The following PCDH8 variants were observed in gnomAD, a reference collection of about 807,000 sequenced individuals.
The protein encoded by PCDH8 is protocadherin-8.
PCDH8 carries 36 observed loss-of-function variants against 58.2 expected under a neutral mutation model. The observed-to-expected ratio is 0.62, with a 90% CI of 0.47 to 0.82. The LOEUF (loss-of-function observed/expected upper bound fraction) is 0.82. Among genes scored for constraint, PCDH8 ranks in the 40% least tolerant of loss-of-function variants. PCDH8 has a pLI of 0.00. For synonymous variants in PCDH8, 775 were observed against 728.9 expected (o/e 1.06, Z -1.02); for missense variants, 1,493 against 1,567.8 (o/e 0.95, Z 0.81).
In PCDH8 at chr13:52,843,294, A is replaced by T. The variant is rs144059835; in HGVS notation, c.*1266T>A. On this transcript the variant is annotated 3_prime_UTR_variant, in exon 3 of 3. Coordinates refer to ENST00000377942, the MANE Select transcript of PCDH8 (RefSeq NM_002590.4). The stretch of plus-strand genomic sequence containing the variant: ...GCTGAAATTTCCCTACCTCACATGC[A>T]CCTATGCTAGCATTGACAATTATCA... The T allele has an allele frequency of 3.5e-4, 53 of 152,308 alleles. No homozygotes were observed. The highest frequency in any genetic ancestry group is 6.8e-4 in the Non-Finnish European group (46 of 68,028). The allele number at this position is 152,308 out of a possible 1,614,324, so 9.4% of individuals were successfully genotyped here. A position where few individuals can be genotyped will look rare whatever the true frequency, so the allele number is the denominator to read the frequency against.
In PCDH8 at chr13:52,845,424, C is replaced by A; in HGVS notation, c.2839+1G>T. 6.2e-7 allele frequency: 1 copy of A among 1,613,998 alleles called. No individual in the cohort carries two copies. Among genetic ancestry groups the A allele is most frequent in the Non-Finnish European group, 8.5e-7 (1 of 1,179,858 alleles). On this transcript the variant is annotated splice_donor_variant, in intron 2 of 2. Transcript: ENST00000377942. LOFTEE classifies it high-confidence loss of function. ...ATTTGGCGGGAAAGAAGAGTCCTCA[C>A]CACTCTGCATGTGGTTGATGAGATC...
intron 1 of PCDH8, 54 bp from the exon 2 acceptor site, chr13:52,845,686 A>G: frequency 6.3e-7 from 1 of 1,591,094 alleles, no homozygotes; most frequent in Non-Finnish European, 8.5e-7. Context: ...TAAGAAACAA[A>G]CAAAAAACAA....
At position 52,846,709 on chromosome 13, in the gene PCDH8, G is replaced by A. The variant is rs751017569; in HGVS notation, c.1728C>T (p.Asp576=). The A allele has an allele frequency of 1.3e-6, 2 of 1,597,476 alleles. No individual in the cohort carries two copies. The highest frequency in any genetic ancestry group is 1.3e-5 in the African/African-American group (1 of 74,810). The change falls in exon 1 of 3, where the codon GAC becomes GAT. Residue 576 remains aspartate (D), a synonymous_variant. Transcript: ENST00000377942. ...CGCCGTCGCTAGCTTGGATGCGAAC[G>A]TCGAGTTGGCGCAGCGTCTCATAGT... is the stretch of plus-strand genomic sequence containing the variant. ...SFDYETLRQL[D]VRIQASDGGS...
Position 52,847,462 on chromosome 13 carries a change from C to T in PCDH8, c.975G>A (p.Arg325=), listed in dbSNP as rs755375249. The change falls in exon 1 of 3, where the codon CGG becomes CGA. Residue 325 remains arginine, a synonymous_variant. Coordinates refer to ENST00000377942, the MANE Select transcript of PCDH8 (RefSeq NM_002590.4). ...ERQDTYELDV[R]AQDRGPGPRA... is the part of the protein sequence containing the mutation. ...GGGGCCCGGGTCCGCGGTCCTGCGC[C>T]CGCACGTCCAGCTCGTAGGTGTCCT... 1 of 1,591,204 alleles carries T rather than the reference C, an allele frequency of 6.3e-7. No homozygotes were observed. Among genetic ancestry groups the T allele is most frequent in the Non-Finnish European group, 8.5e-7 (1 of 1,175,080 alleles).
At position 52,847,707 on chromosome 13, in the gene PCDH8, C is replaced by A. The variant is rs779860190; in HGVS notation, c.730G>T (p.Ala244Ser). Residue 244 changes from alanine (A) to serine (S), a missense_variant, in exon 1 of 3, where the codon GCC (alanine) becomes TCC (serine). Coordinates refer to ENST00000377942, the MANE Select transcript of PCDH8 (RefSeq NM_002590.4). Reference sequence around the variant, plus strand: ...TCGGCCACGGCGCCCTGCGGGAAGGCCGGGCTGTGGTCATTCGCATCCAGG... The same window carrying A: ...TCGGCCACGGCGCCCTGCGGGAAGGACGGGCTGTGGTCATTCGCATCCAGG... Reference protein sequence around the residue: ...RVLDANDHSPAFPQGAVAEVE... With the variant: ...RVLDANDHSPSFPQGAVAEVE... The A allele has an allele frequency of 2.6e-6, 4 of 1,541,828 alleles. No homozygotes were observed. The highest frequency in any genetic ancestry group is 3.5e-6 in the Non-Finnish European group (4 of 1,152,870).
chr13:52,848,617 G>A lies in PCDH8; in HGVS notation c.-181C>T, dbSNP rs1304387772. On this transcript the variant is annotated 5_prime_UTR_variant, in exon 1 of 3. Transcript: ENST00000377942. ...ACGCGCGGACCCGCCCTCACTCTGC[G>A]CCTCTCCGTCTCTTACAGAAGCTGC... The A allele has an allele frequency of 4.9e-6, 6 of 1,225,070 alleles. No individual in the cohort carries two copies. The highest frequency in any genetic ancestry group is 4.6e-5 in the African/African-American group (3 of 65,260). The allele number at this position is 1,225,070 out of a possible 1,614,324, so 75.9% of individuals were successfully genotyped here. A position where few individuals can be genotyped will look rare whatever the true frequency, so the allele number is the denominator to read the frequency against.
In PCDH8 at chr13:52,846,061, G is replaced by A. The variant is rs946797218; in HGVS notation, c.2376C>T (p.Pro792=). ...CCGAGGCTCCGCCGCCCGCCGCCCC[G>A]GGCCGCTCTTCCCGGAGGGCCCCCC... is the stretch of plus-strand genomic sequence containing the variant. ...RKGGALREER[P]GAAGGGASAP... is the part of the protein sequence containing the mutation. The change falls in exon 1 of 3, where the codon CCC becomes CCT. Residue 792 remains proline (P), a synonymous_variant. Transcript: ENST00000377942. 2.0e-6 allele frequency: 3 copies of A among 1,531,392 alleles called. No homozygotes were observed. Among genetic ancestry groups the A allele is most frequent in the East Asian group, 5.0e-5 (2 of 39,826 alleles). 94.9% of individuals were successfully genotyped at this position (1,531,392 alleles called of 1,614,324 possible). A position where few individuals can be genotyped will look rare whatever the true frequency, so the allele number is the denominator to read the frequency against.
Position 52,846,386 on chromosome 13 carries a change from C to A in PCDH8, c.2051G>T (p.Arg684Leu), listed in dbSNP as rs1387478819. Reference protein sequence around the residue: ...TGDLSQEPPGRVFRALLVISD... With the variant: ...TGDLSQEPPGLVFRALLVISD... ...TATGACCAGGAGCGCCCTGAACACG[C>A]GACCGGGTGGCTCCTGCGAGAGGTC... The change falls in exon 1 of 3, where the codon CGC becomes CTC. Residue 684 changes from arginine to leucine, a missense_variant. Around this residue, in one of 3 missense-constraint regions of PCDH8, gnomAD observed 1,307 missense variants for 1,362.7 expected, o/e 0.96. Coordinates refer to ENST00000377942, the MANE Select transcript of PCDH8 (RefSeq NM_002590.4). The A allele has an allele frequency of 3.1e-6, 5 of 1,591,410 alleles. No homozygotes were observed. The highest frequency in any genetic ancestry group is 4.3e-6 in the Non-Finnish European group (5 of 1,171,942).
Position 52,848,367 on chromosome 13 carries a change from G to A in PCDH8, c.70C>T (p.Leu24Phe). Residue 24 changes from leucine to phenylalanine, a missense_variant, in exon 1 of 3, where the codon CTC becomes TTC. This residue lies in a region of PCDH8 where 1,307 missense variants were observed against 1,362.7 expected (regional missense o/e 0.96). Coordinates refer to ENST00000377942, the MANE Select transcript of PCDH8 (RefSeq NM_002590.4). ...PLQLFSLCWV[L>F]SVAQSKTVRY... is the part of the protein sequence containing the mutation. Reference sequence around the variant, plus strand: ...ACTGTTTTGCTCTGGGCCACTGAGAGCACCCAGCAGAGGCTGAAGAGCTGC... The same window carrying A: ...ACTGTTTTGCTCTGGGCCACTGAGAACACCCAGCAGAGGCTGAAGAGCTGC... The A allele has an allele frequency of 1.2e-6, 2 of 1,612,510 alleles. No individual in the cohort carries two copies. The highest frequency in any genetic ancestry group is 1.1e-5 in the South Asian group (1 of 91,086).
Position 52,845,896 on chromosome 13 carries a change from G to A in PCDH8, c.2541C>T (p.Ala847=). ...ADAPPPAVAA[A]EVPGSEGGSA... is the part of the protein sequence containing the mutation. ...TGCCGCCCTCTGAGCCCGGCACTTC[G>A]GCCGCGGCGACCGCAGGCGGAGGCG... The change falls in exon 1 of 3, where the codon GCC becomes GCT. Residue 847 remains alanine, a synonymous_variant. Coordinates refer to ENST00000377942, the MANE Select transcript of PCDH8 (RefSeq NM_002590.4). The A allele has an allele frequency of 6.7e-7, 1 of 1,481,508 alleles. No individual in the cohort carries two copies. Among genetic ancestry groups the A allele is most frequent in the African/African-American group, 1.5e-5 (1 of 67,936 alleles). 91.8% of individuals were successfully genotyped at this position (1,481,508 alleles called of 1,614,324 possible). A position where few individuals can be genotyped will look rare whatever the true frequency, so the allele number is the denominator to read the frequency against.
rs759814135 is a variant in PCDH8, at chr13:52,847,998, C to T, written c.439G>A (p.Gly147Ser). Residue 147 changes from glycine to serine, a missense_variant, in exon 1 of 3, where the codon GGT becomes AGT. Coordinates refer to ENST00000377942, the MANE Select transcript of PCDH8 (RefSeq NM_002590.4). ...GGGATGCGCGTGCCCACTGCCGCAC[C>T]CTCGGACACCTCTACCGGGATCTGG... ...RAQIPVEVSE[G>S]AAVGTRIPLE... The T allele has an allele frequency of 6.2e-7, 1 of 1,610,550 alleles. No homozygotes were observed. Among genetic ancestry groups the T allele is most frequent in the Non-Finnish European group, 8.5e-7 (1 of 1,178,132 alleles).
At position 52,843,204 on chromosome 13, in the gene PCDH8, CTT is replaced by C. The variant is rs767457765; in HGVS notation, c.*1354_*1355del. 5.9e-5 allele frequency: 9 copies of C among 152,292 alleles called. No individual in the cohort carries two copies. The highest frequency in any genetic ancestry group is 3.9e-4 in the East Asian group (2 of 5,184). The allele number at this position is 152,292 out of a possible 1,614,324, so 9.4% of individuals were successfully genotyped here. A position where few individuals can be genotyped will look rare whatever the true frequency, so the allele number is the denominator to read the frequency against. On this transcript the variant is annotated 3_prime_UTR_variant, in exon 3 of 3. Transcript: ENST00000377942. ...GAGTATAAGACATAGGCATAGTACT[CTT>C]GAGTGTCTTTTTTTAAGACTTTCCA... is the stretch of plus-strand genomic sequence containing the variant.
In PCDH8 at chr13:52,847,020, C is replaced by A; in HGVS notation, c.1417G>T (p.Gly473Cys). Reference protein sequence around the residue: ...YNLTLVAEDRGAPPLRTVRPY... With the variant: ...YNLTLVAEDRCAPPLRTVRPY... ...CGCACTGTGCGCAGCGGGGGCGCGC[C>A]GCGATCCTCGGCCACCAGCGTCAAG... The change falls in exon 1 of 3, where the codon GGC becomes TGC. Residue 473 changes from glycine (G) to cysteine (C), a missense_variant. Physicochemically the swap from Gly to Cys is radical, Grantham distance 159. Around this residue, in one of 3 missense-constraint regions of PCDH8, gnomAD observed 1,307 missense variants for 1,362.7 expected, o/e 0.96. Transcript: ENST00000377942. 6.4e-7 allele frequency: 1 copy of A among 1,563,690 alleles called. No homozygotes were observed. Among genetic ancestry groups the A allele is most frequent in the Non-Finnish European group, 8.6e-7 (1 of 1,157,880 alleles).
At chr13:52,845,145 G>GA (rs967746384) in intron 2 of PCDH8, among the ~76,000 whole-genome samples, 36 of 150,008 alleles carry the variant, frequency 2.4e-4, no homozygotes, top group African/African-American at 6.4e-4. Context: ...AGCTGGAAGT[G>GA]AAAAAAAAAA....
Position 52,848,025 on chromosome 13 carries a change from C to T in PCDH8, c.412G>A (p.Ala138Thr). 6.2e-7 allele frequency: 1 copy of T among 1,611,186 alleles called. No homozygotes were observed. Among genetic ancestry groups the T allele is most frequent in the South Asian group, 1.1e-5 (1 of 91,032 alleles). ...TCGGACACCTCTACCGGGATCTGGGCCCTGGGGAAGCGCGGCGCGTGGTCG... is the reference window on the plus strand; with the variant it reads ...TCGGACACCTCTACCGGGATCTGGGTCCTGGGGAAGCGCGGCGCGTGGTCG... ...VNDHAPRFPR[A>T]QIPVEVSEGA... Residue 138 changes from alanine (A) to threonine (T), a missense_variant, in exon 1 of 3, where the codon GCC becomes ACC. By Grantham distance (58) the Ala-to-Thr change is moderately conservative. Transcript: ENST00000377942.
Position 52,845,929 on chromosome 13 carries a change from C to T in PCDH8, c.2508G>A (p.Ala836=). The T allele has an allele frequency of 6.7e-7, 1 of 1,483,416 alleles. No homozygotes were observed. Among genetic ancestry groups the T allele is most frequent in the Non-Finnish European group, 8.9e-7 (1 of 1,128,770 alleles). The allele number at this position is 1,483,416 out of a possible 1,614,324, so 91.9% of individuals were successfully genotyped here. The change falls in exon 1 of 3, where the codon GCG becomes GCA. Residue 836 remains alanine, a synonymous_variant. Transcript: ENST00000377942. ...CGACCGCAGGCGGAGGCGCGTCCGC[C>T]GCGGGGCTGCCAAAGGGCGCTTTGC... ...GTGKAPFGSP[A]ADAPPPAVAA... is the part of the protein sequence containing the mutation.
intron 2 of PCDH8, 58 bp downstream of exon 2, chr13:52,845,366 AG>A: frequency 2.7e-6 from 4 of 1,490,170 alleles, no homozygotes; most frequent in Non-Finnish European, 3.7e-6. Context: ...GGAGGCAAAC[AG>A]TGGTGAAGGG....
Position 52,845,800 on chromosome 13 carries a change from C to T in PCDH8, c.2631+6G>A, listed in dbSNP as rs975767791. 6.7e-7 allele frequency: 1 copy of T among 1,501,022 alleles called. No homozygotes were observed. Among genetic ancestry groups the T allele is most frequent in the African/African-American group, 1.4e-5 (1 of 71,850 alleles). The allele number at this position is 1,501,022 out of a possible 1,614,324, so 93.0% of individuals were successfully genotyped here. On this transcript the variant is annotated splice_donor_region_variant and intron_variant, in intron 1 of 2. Transcript: ENST00000377942. Reference sequence around the variant, plus strand: ...AGGGGGGCGCCCAGCCGAAGGAAGGCCTCACCTCGGCGTGCGCGCCGCGGA... The same window carrying T: ...AGGGGGGCGCCCAGCCGAAGGAAGGTCTCACCTCGGCGTGCGCGCCGCGGA...
rs760990564 is a variant in PCDH8 at position 52,848,624 on chromosome 13, C to T, written c.-188G>A. The T allele has an allele frequency of 6.0e-6, 7 of 1,174,978 alleles. No homozygotes were observed. Among genetic ancestry groups the T allele is most frequent in the African/African-American group, 1.6e-5 (1 of 64,242 alleles). The allele number at this position is 1,174,978 out of a possible 1,614,324, so 72.8% of individuals were successfully genotyped here. On this transcript the variant is annotated 5_prime_UTR_variant, in exon 1 of 3. Transcript: ENST00000377942. The stretch of plus-strand genomic sequence containing the variant: ...GACCCGCCCTCACTCTGCGCCTCTC[C>T]GTCTCTTACAGAAGCTGCGCCGCCT...
Sources: gnomAD v4.1 joint callset for allele counts (sites outside exome capture counted in the v4.1 genomes callset) on GRCh38, gnomAD v4.1.1 for gene constraint, gnomAD v4.1.1 regional missense constraint, MANE v1.5 for transcripts, NCBI Gene and HGNC (gene_info 2026-07-23, HGNC 2026-07-21) for gene names.